The following BCL2 variants were observed in gnomAD, a reference collection of about 807,000 sequenced individuals.
BCL2 encodes BCL2 apoptosis regulator.
Under a neutral mutation model 14.2 loss-of-function variants are expected in BCL2, and 1 was observed. The ratio of observed to expected loss-of-function variants is 0.07; its 90% CI spans 0.02 to 0.33. The LOEUF (loss-of-function observed/expected upper bound fraction) is 0.33. Ranked by LOEUF, BCL2 falls within the 10% of genes least tolerant of loss-of-function variation. The pLI, the probability that BCL2 is intolerant of heterozygous loss-of-function variation, is 0.99. For synonymous variants in BCL2, 151 were observed against 137.2 expected, an observed-to-expected ratio of 1.10 and a Z score of -0.70; for missense variants, 247 against 305.9, an observed-to-expected ratio of 0.81 and a Z score of 1.44.
chr18:63,181,305 G>T, intron 2 of BCL2, among the ~76,000 whole-genome samples: 1 of 152,304 alleles, frequency 6.6e-6, no homozygotes, highest in East Asian at 1.9e-4. Flanking sequence ...CTATGTTGAG[G>T]TGGGACAGTC....
chr18:63,243,778 G>T, intron 2 of BCL2, among the ~76,000 whole-genome samples: 1 of 152,060 alleles, frequency 6.6e-6, no homozygotes, highest in East Asian at 1.9e-4. Flanking sequence ...ATAAGTCAAG[G>T]GACTAATATG....
In BCL2 at chr18:63,125,687, AGAG is replaced by A. The variant is rs1913894599; in HGVS notation, c.*2935_*2937del. 1 of 212,684 alleles carries A rather than the reference AGAG, an allele frequency of 4.7e-6. No homozygotes were observed. 13.2% of individuals were successfully genotyped at this position (212,684 alleles called of 1,614,324 possible). A position where few individuals can be genotyped will look rare whatever the true frequency, so the allele number is the denominator to read the frequency against. On this transcript the variant is annotated 3_prime_UTR_variant, in exon 3 of 3. Coordinates refer to ENST00000333681, the MANE Select transcript of BCL2 (RefSeq NM_000633.3). ...TAATTAGATATAATGAAAAAAAAGAAGAGGAGAAAAAAATGACTAGTTGAGGCT... is the reference window on the plus strand; with the variant it reads ...TAATTAGATATAATGAAAAAAAAGAAGAGAAAAAAATGACTAGTTGAGGCT...
intron 2 of BCL2, among the ~76,000 whole-genome samples, chr18:63,196,363 C>T (rs1410739855): frequency 1.3e-5 from 2 of 152,084 alleles, no homozygotes; most frequent in African/African-American, 4.8e-5. Context: ...TGTGCAGGCT[C>T]TGAAATGAGA....
At chr18:63,252,578 T>C (rs550818737) in intron 2 of BCL2, among the ~76,000 whole-genome samples, 21 of 152,272 alleles carry the variant, frequency 1.4e-4, no homozygotes, top group Non-Finnish European at 2.5e-4. Flanking sequence ...CAAGATGTGA[T>C]GGTTTTAAAA....
chr18:63,278,358 C>T (rs189118460), intron 2 of BCL2, among the ~76,000 whole-genome samples: 20 of 152,314 alleles, frequency 1.3e-4, no homozygotes, highest in African/African-American at 4.3e-4. Flanking sequence ...AAACTCAGGT[C>T]GGGCTCCCCG....
intron 2 of BCL2, among the ~76,000 whole-genome samples, chr18:63,283,944 A>T (rs962953456): frequency 1.3e-5 from 2 of 152,154 alleles, no homozygotes. Context: ...TCCTATTCCA[A>T]TGGAAAATCT....
At chr18:63,158,567 G>C (rs1379217491) in intron 2 of BCL2, among the ~76,000 whole-genome samples, 2 of 152,168 alleles carry the variant, frequency 1.3e-5, no homozygotes, top group East Asian at 3.9e-4. Flanking sequence ...TGCTGGCCCT[G>C]TTTAGGCAGT....
chr18:63,316,004 A>T (rs7239542), intron 2 of BCL2: 4,213 of 152,656 alleles, frequency 0.028, 82 homozygotes, highest in Middle Eastern at 0.051. Flanking sequence ...TTGTCAAAAA[A>T]TTTTTATCAT....
Position 63,168,707 on chromosome 18 carries a change from T to G in BCL2, c.586-39948A>C, listed in dbSNP as rs564459228. The stretch of plus-strand genomic sequence containing the variant: ...GGGAAATGTGGACTGCTCCGTTTAT[T>G]GGTATGTCTGGCCTCTGTCGCCTAA... On this transcript the variant is annotated intron_variant, in intron 2 of 2. Coordinates refer to ENST00000333681, the MANE Select transcript of BCL2 (RefSeq NM_000633.3). 5.9e-5 allele frequency among the ~76,000 whole-genome samples: 9 copies of G among 152,334 alleles called. No individual in the cohort carries two copies. In the South Asian group the frequency reaches 1.9e-3, roughly 32 times the overall value.
intron 2 of BCL2, among the ~76,000 whole-genome samples, chr18:63,198,555 GACACAGACACACATTGAC>G (rs1195864461): frequency 2.8e-5 from 3 of 106,514 alleles, no homozygotes; most frequent in African/African-American, 1.1e-4. Flanking sequence ...GACACACATA[GACACAGACACACATTGAC>G]ACACAGACAC....
At chr18:63,218,722 C>A (rs200877920) in intron 2 of BCL2, among the ~76,000 whole-genome samples, 55 of 500 alleles carry the variant, frequency 0.11, no homozygotes, top group African/African-American at 0.19. Flanking sequence ...TCCTCCACTC[C>A]TCCCCATCCT....
intron 2 of BCL2, among the ~76,000 whole-genome samples, chr18:63,199,205 GACACACACAACACACAC>G (rs1471246391): frequency 9.9e-5 from 14 of 141,224 alleles, no homozygotes; most frequent in Admixed American, 7.8e-4. Flanking sequence ...ACAACACACA[GACACACACAACACACAC>G]ACTACACAAC....
chr18:63,139,266 A>G (rs1914293877), intron 2 of BCL2, among the ~76,000 whole-genome samples: 1 of 152,226 alleles, frequency 6.6e-6, no homozygotes, highest in Non-Finnish European at 1.5e-5. Context: ...AGGTGGAGAA[A>G]TGCATTTATA....
intron 2 of BCL2, among the ~76,000 whole-genome samples, chr18:63,312,099 A>G (rs990179299): frequency 6.6e-6 from 1 of 152,250 alleles, no homozygotes; most frequent in African/African-American, 2.4e-5. Flanking sequence ...AGCTGCCTGC[A>G]GCAAGTTTGG....
chr18:63,243,677 A>G (rs1395049839), intron 2 of BCL2, among the ~76,000 whole-genome samples: 1 of 152,214 alleles, frequency 6.6e-6, no homozygotes, highest in African/African-American at 2.4e-5. Flanking sequence ...ATGGGAATCT[A>G]TGGAGAACAC....
At chr18:63,159,094 A>C (rs1914853042) in intron 2 of BCL2, among the ~76,000 whole-genome samples, 1 of 152,330 alleles carries the variant, frequency 6.6e-6, no homozygotes, top group East Asian at 1.9e-4. Context: ...TGTACCATAA[A>C]AGGGGAATTT....
chr18:63,173,894 G>T (rs1360435270), intron 2 of BCL2, among the ~76,000 whole-genome samples: 1 of 152,146 alleles, frequency 6.6e-6, no homozygotes, highest in Non-Finnish European at 1.5e-5. Flanking sequence ...AATTTGACTT[G>T]CAGTTTCCTT....
intron 2 of BCL2, among the ~76,000 whole-genome samples, chr18:63,266,167 A>T (rs1911817548): frequency 6.6e-6 from 1 of 152,046 alleles, no homozygotes; most frequent in Non-Finnish European, 1.5e-5. Flanking sequence ...GAACAACCTA[A>T]ATATCCAAAA....
chr18:63,227,623 G>A (rs902369086), intron 2 of BCL2, among the ~76,000 whole-genome samples: 8 of 152,194 alleles, frequency 5.3e-5, no homozygotes, highest in African/African-American at 1.9e-4. Flanking sequence ...AATTTAATGT[G>A]AGGCAGAATA....
Sources: allele counts gnomAD v4.1 joint callset (sites outside exome capture counted in the v4.1 genomes callset), GRCh38; gene constraint gnomAD v4.1.1; transcripts MANE v1.5; gene names NCBI Gene and HGNC (gene_info 2026-07-23, HGNC 2026-07-21).